Variants in ARID1B observed in about 807,000 individuals in gnomAD.
ARID1B encodes AT-rich interactive domain-containing protein 1B.
ARID1B carries 30 observed loss-of-function variants against 212.3 expected under a neutral mutation model. The observed-to-expected ratio is 0.14, with a 90% CI of 0.11 to 0.19. The LOEUF (loss-of-function observed/expected upper bound fraction) is 0.19. Among genes scored for constraint, ARID1B ranks in the 10% least tolerant of loss-of-function variants. ARID1B has a pLI of 1.00. For synonymous variants in ARID1B, 1,402 were observed against 1,301.7 expected, an observed-to-expected ratio of 1.08 and a Z score of -1.66; for missense variants, 2,891 against 3,204.0, an observed-to-expected ratio of 0.90 and a Z score of 2.36.
chr6:156,957,777 A>G (rs1472443583), intron 4 of ARID1B, among the ~76,000 whole-genome samples: 1 of 152,142 alleles, frequency 6.6e-6, no homozygotes, highest in Admixed American at 6.5e-5. Context: ...CATGACTCTC[A>G]CTTTTTAAGG....
chr6:156,922,416 G>A (rs1288594721), intron 3 of ARID1B, among the ~76,000 whole-genome samples: 3 of 151,962 alleles, frequency 2.0e-5, no homozygotes, highest in Admixed American at 6.6e-5. Flanking sequence ...TAAGTGATCC[G>A]CCCGCCTCGG....
chr6:157,040,159 C>T (rs535373903), intron 4 of ARID1B, among the ~76,000 whole-genome samples: 14 of 152,234 alleles, frequency 9.2e-5, no homozygotes, highest in African/African-American at 3.4e-4. Flanking sequence ...AGGATGGTCT[C>T]GATCTCTTGA....
At chr6:156,903,731 T>A (rs531968448) in intron 3 of ARID1B, among the ~76,000 whole-genome samples, 5 of 152,352 alleles carry the variant, frequency 3.3e-5, no homozygotes, top group African/African-American at 1.2e-4. Flanking sequence ...TGAATTCATA[T>A]ACCTTTAAAA....
chr6:156,889,708 CT>C (rs1787778772), intron 2 of ARID1B, among the ~76,000 whole-genome samples: 1 of 152,096 alleles, frequency 6.6e-6, no homozygotes, highest in Admixed American at 6.6e-5. Context: ...ATTCTAGCTG[CT>C]GTTTCACAAT....
At chr6:157,043,969 G>A (rs1303089926) in intron 4 of ARID1B, among the ~76,000 whole-genome samples, 4 of 152,134 alleles carry the variant, frequency 2.6e-5, no homozygotes, top group Admixed American at 2.0e-4. Flanking sequence ...TGGGATATAC[G>A]TGTTATTTGT....
intron 3 of ARID1B, among the ~76,000 whole-genome samples, chr6:156,906,850 T>G (rs1461740350): frequency 6.6e-6 from 1 of 152,234 alleles, no homozygotes; most frequent in African/African-American, 2.4e-5. Flanking sequence ...GTATTACTTT[T>G]GTTAGGATTA....
intron 4 of ARID1B, among the ~76,000 whole-genome samples, chr6:157,082,307 AG>A (rs1224621751): frequency 6.6e-6 from 1 of 152,134 alleles, no homozygotes; most frequent in Non-Finnish European, 1.5e-5. Context: ...GGGGTCAGCA[AG>A]CTTTTTCCGT....
intron 4 of ARID1B, among the ~76,000 whole-genome samples, chr6:157,083,229 T>G (rs551379542): frequency 7.2e-5 from 11 of 152,208 alleles, no homozygotes; most frequent in Non-Finnish European, 1.6e-4. Flanking sequence ...AGGGTGGAGA[T>G]CTATTAGGAT....
intron 4 of ARID1B, among the ~76,000 whole-genome samples, chr6:157,054,433 A>C (rs1233956494): frequency 6.6e-6 from 1 of 152,200 alleles, no homozygotes; most frequent in Non-Finnish European, 1.5e-5. Context: ...TTTTGAAATA[A>C]TGTGTTTGTA....
At chr6:156,786,484 G>C (rs1748923652) in intron 1 of ARID1B, among the ~76,000 whole-genome samples, 1 of 152,184 alleles carries the variant, frequency 6.6e-6, no homozygotes, top group South Asian at 2.1e-4. Flanking sequence ...AGGCGTCTTT[G>C]GTTTGTGTAA....
chr6:156,859,602 T>C (rs1785182341), intron 2 of ARID1B, among the ~76,000 whole-genome samples: 1 of 152,264 alleles, frequency 6.6e-6, no homozygotes, highest in African/African-American at 2.4e-5. Context: ...AGTTGAATTA[T>C]TTTATAATTT....
intron 4 of ARID1B, among the ~76,000 whole-genome samples, chr6:157,003,197 A>C (rs1456015557): frequency 6.6e-6 from 1 of 152,184 alleles, no homozygotes; most frequent in Non-Finnish European, 1.5e-5. Context: ...ATCTGAGTAC[A>C]CTTGAATTTC....
chr6:157,188,149 G>A (rs1363014299), intron 13 of ARID1B, among the ~76,000 whole-genome samples: 1 of 151,448 alleles, frequency 6.6e-6, no homozygotes, highest in Non-Finnish European at 1.5e-5. Flanking sequence ...CATGACATGC[G>A]TTTACCTATG....
At chr6:156,832,071 C>A (rs1019321028) in intron 2 of ARID1B, among the ~76,000 whole-genome samples, 1 of 152,112 alleles carries the variant, frequency 6.6e-6, no homozygotes, top group Non-Finnish European at 1.5e-5. Flanking sequence ...ATGTGTATAA[C>A]ATTTTAAAGA....
chr6:157,175,133 TC>T, intron 11 of ARID1B, 128 bp downstream of exon 11: 1 of 825,436 alleles, frequency 1.2e-6, no homozygotes, highest in Non-Finnish European at 1.7e-6. Flanking sequence ...TCATTATTTA[TC>T]CATGAAAGGG....
intron 6 of ARID1B, among the ~76,000 whole-genome samples, chr6:157,118,095 A>C (rs1787449270): frequency 6.6e-6 from 1 of 152,236 alleles, no homozygotes; most frequent in Non-Finnish European, 1.5e-5. Context: ...TTATACCAAA[A>C]GTTATTTTTT....
chr6:157,062,315 G>C (rs1783392845), intron 4 of ARID1B, among the ~76,000 whole-genome samples: 1 of 151,678 alleles, frequency 6.6e-6, no homozygotes. Context: ...TCCAGCCTCA[G>C]CCTCCCAAGT....
At chr6:157,042,566 A>G (rs1404800740) in intron 4 of ARID1B, among the ~76,000 whole-genome samples, 1 of 152,120 alleles carries the variant, frequency 6.6e-6, no homozygotes, top group Non-Finnish European at 1.5e-5. Flanking sequence ...AAGGGGAAGC[A>G]TATTGTATTA....
rs1208883079 is a variant in ARID1B at position 157,018,212 on chromosome 6, C to CTTTTTTTT, written c.2248-66435_2248-66428dup. Among the ~76,000 whole-genome samples the CTTTTTTTT allele has an allele frequency of 5.5e-4, 40 of 72,458 alleles. 6 individuals carry two copies. The highest frequency in any genetic ancestry group is 1.6e-3 in the African/African-American group (25 of 15,450). 47.5% of individuals were successfully genotyped at this position (72,458 alleles called of 152,430 possible). ...GAATGTCTAAACAAAAAGTAGTATG[C>CTTTTTTTT]TTTTTTTTTTTTTTTTTTTTTTGAG... On this transcript the variant is annotated intron_variant, in intron 4 of 19. Transcript: ENST00000636930.
Sources: gnomAD v4.1 joint callset for allele counts (sites outside exome capture counted in the v4.1 genomes callset) on GRCh38, gnomAD v4.1.1 for gene constraint, MANE v1.5 for transcripts, NCBI Gene and HGNC (gene_info 2026-07-23, HGNC 2026-07-21) for gene names.